RALGPS2: variants seen among roughly 807,000 people sequenced by gnomAD.
RALGPS2 encodes the protein Ral GEF with PH domain and SH3 binding motif 2.
RALGPS2 carries 43 observed loss-of-function variants against 86.8 expected under a neutral mutation model. The observed-to-expected ratio is 0.50, with a 90% confidence interval of 0.39 to 0.64. The LOEUF (loss-of-function observed/expected upper bound fraction) is 0.64. Among genes scored for constraint, RALGPS2 ranks in the 30% least tolerant of loss-of-function variants. The pLI, the probability that RALGPS2 is intolerant of heterozygous loss-of-function variation, is 0.00. For synonymous variants in RALGPS2, 243 were observed against 231.3 expected, an observed-to-expected ratio of 1.05 and a Z score of -0.46; for missense variants, 536 against 694.6, an observed-to-expected ratio of 0.77 and a Z score of 2.57.
chr1:178,868,753 A>C (rs1454776207), intron 8 of RALGPS2, among the ~76,000 whole-genome samples: 6 of 152,016 alleles, frequency 3.9e-5, no homozygotes, highest in Non-Finnish European at 7.4e-5. Context: ...ATCACTGTTT[A>C]CCATAAGAGA....
At chr1:178,909,981 T>TTA (rs1660560735) in intron 19 of RALGPS2, among the ~76,000 whole-genome samples, 1 of 152,132 alleles carries the variant, frequency 6.6e-6, no homozygotes, top group Non-Finnish European at 1.5e-5. Context: ...TTTTACCTCC[T>TTA]TGATTAGCTG....
chr1:178,775,353 A>G (rs1329535748), intron 1 of RALGPS2, among the ~76,000 whole-genome samples: 5 of 152,286 alleles, frequency 3.3e-5, no homozygotes, highest in East Asian at 1.9e-4. Flanking sequence ...CTTAGCATTG[A>G]AGTAATTATT....
At chr1:178,729,822 C>G (rs1463738891) in intron 1 of RALGPS2, among the ~76,000 whole-genome samples, 1 of 152,238 alleles carries the variant, frequency 6.6e-6, no homozygotes, top group African/African-American at 2.4e-5. Context: ...GGTCCTCTGC[C>G]TCATGTCTTT....
intron 1 of RALGPS2, among the ~76,000 whole-genome samples, chr1:178,760,171 A>G (rs945154414): frequency 6.6e-6 from 1 of 152,076 alleles, no homozygotes; most frequent in Admixed American, 6.6e-5. Flanking sequence ...ATCATATTGT[A>G]TGGTTGATGG....
chr1:178,778,142 C>T (rs1653190808), intron 2 of RALGPS2, among the ~76,000 whole-genome samples: 1 of 127,734 alleles, frequency 7.8e-6, no homozygotes, highest in Non-Finnish European at 1.6e-5. Context: ...ACAACCTACT[C>T]ATCTGACAAA....
intron 16 of RALGPS2, among the ~76,000 whole-genome samples, chr1:178,895,750 G>T (rs1413199455): frequency 1.3e-5 from 2 of 151,954 alleles, no homozygotes; most frequent in Admixed American, 6.6e-5. Context: ...ACTGAGATGG[G>T]TGTATGTTGG....
chr1:178,802,025 A>G (rs1654501592), intron 4 of RALGPS2, among the ~76,000 whole-genome samples: 2 of 152,152 alleles, frequency 1.3e-5, no homozygotes, highest in South Asian at 2.1e-4. Context: ...TCATACAACA[A>G]TAATCAGAAC....
intron 1 of RALGPS2, chr1:178,747,356 A>C: frequency 6.5e-7 from 1 of 1,533,452 alleles, no homozygotes; most frequent in Non-Finnish European, 9.0e-7. Context: ...ACCACTATTG[A>C]TATTTTCTAA....
chr1:178,787,305 T>C (rs1653702567), intron 4 of RALGPS2, among the ~76,000 whole-genome samples: 1 of 152,172 alleles, frequency 6.6e-6, no homozygotes, highest in Non-Finnish European at 1.5e-5. Flanking sequence ...CTAGCAGAAA[T>C]ATAGTATAAG....
At chr1:178,862,764 G>T (rs1658124958) in intron 8 of RALGPS2, among the ~76,000 whole-genome samples, 1 of 152,082 alleles carries the variant, frequency 6.6e-6, no homozygotes, top group Non-Finnish European at 1.5e-5. Flanking sequence ...CTAGTGGAAG[G>T]TCCGCTAGGA....
intron 8 of RALGPS2, among the ~76,000 whole-genome samples, chr1:178,868,694 A>T (rs1658566115): frequency 6.6e-6 from 1 of 152,048 alleles, no homozygotes; most frequent in Admixed American, 6.6e-5. Context: ...CCTTGTGTGT[A>T]TTCTGCCTTG....
chr1:178,855,898 T>C (rs1445645200), intron 8 of RALGPS2, among the ~76,000 whole-genome samples: 1 of 150,538 alleles, frequency 6.6e-6, no homozygotes, highest in Non-Finnish European at 1.5e-5. Context: ...AGGGTTTTTC[T>C]TTTTGTTGTT....
At chr1:178,838,067 A>T (rs955670959) in intron 8 of RALGPS2, among the ~76,000 whole-genome samples, 1 of 152,218 alleles carries the variant, frequency 6.6e-6, no homozygotes, top group African/African-American at 2.4e-5. Context: ...CAGCTCAAGG[A>T]GGCCTACCTG....
At chr1:178,844,625 A>G (rs987476863) in intron 8 of RALGPS2, among the ~76,000 whole-genome samples, 1 of 152,172 alleles carries the variant, frequency 6.6e-6, no homozygotes, top group Admixed American at 6.6e-5. Flanking sequence ...TCTGAAGGAA[A>G]AAATTGCTTT....
chr1:178,901,348 G>A (rs140423395), intron 17 of RALGPS2, among the ~76,000 whole-genome samples: 13 of 151,970 alleles, frequency 8.6e-5, no homozygotes, highest in South Asian at 6.2e-4. Context: ...GTTAATTGTC[G>A]CCTTGTTTTT....
At chr1:178,894,795 A>C (rs1659869383) in intron 16 of RALGPS2, among the ~76,000 whole-genome samples, 1 of 152,028 alleles carries the variant, frequency 6.6e-6, no homozygotes, top group East Asian at 1.9e-4. Flanking sequence ...ATTTCTGTTA[A>C]ATCATGTGTT....
At chr1:178,798,646 A>G (rs184204405) in intron 4 of RALGPS2, among the ~76,000 whole-genome samples, 33 of 151,588 alleles carry the variant, frequency 2.2e-4, no homozygotes, top group African/African-American at 7.3e-4. Flanking sequence ...TTTTTTTTTT[A>G]AAAAGGAAAT....
chr1:178,904,907 C>T lies in RALGPS2; in HGVS notation c.1631-1869C>T, dbSNP rs551160200. Among the ~76,000 whole-genome samples the T allele has an allele frequency of 6.6e-5, 10 of 152,028 alleles. No homozygotes were observed. The East Asian group carries it at 1.4e-3, about 21-fold the overall frequency. On this transcript the variant is annotated intron_variant, in intron 18 of 19. Coordinates refer to ENST00000367635, the MANE Select transcript of RALGPS2 (RefSeq NM_152663.5). Reference sequence around the variant, plus strand: ...AAGAATGATACTGGTATTTTGATGGCGATTGCATTGAATTTGTAGATTTTG... The same window carrying T: ...AAGAATGATACTGGTATTTTGATGGTGATTGCATTGAATTTGTAGATTTTG...
chr1:178,894,131 C>T (rs10913637), intron 16 of RALGPS2, 107 bp downstream of exon 16: 50,111 of 648,134 alleles, frequency 0.077, 2,122 homozygotes, highest in Admixed American at 0.11. Context: ...TTATAGTAGA[C>T]TTGAAATAAT....
Sources: allele counts gnomAD v4.1 joint callset (sites outside exome capture counted in the v4.1 genomes callset), GRCh38; gene constraint gnomAD v4.1.1; transcripts MANE v1.5; gene names NCBI Gene and HGNC (gene_info 2026-07-23, HGNC 2026-07-21).